Variants in SPRY4 observed in about 807,000 individuals in gnomAD.
SPRY4 encodes the protein protein sprouty homolog 4.
SPRY4 carries 7 observed loss-of-function variants against 17.0 expected under a neutral mutation model. The ratio of observed to expected loss-of-function variants is 0.41; its 90% CI spans 0.23 to 0.77. The LOEUF (loss-of-function observed/expected upper bound fraction) is 0.77. Ranked by LOEUF, SPRY4 falls within the 30% of genes least tolerant of loss-of-function variation. The probability of loss-of-function intolerance (pLI) is 0.32; values close to 1 mark genes in which losing one functional copy is unlikely to be tolerated. For missense variants in SPRY4, 435 were observed against 419.9 expected (o/e 1.04, Z -0.31); for synonymous variants, 183 against 174.1 (o/e 1.05, Z -0.40).
chr5:142,314,299 G>A lies in SPRY4; in HGVS notation c.810C>T (p.Arg270=). Residue 270 remains arginine (R), a synonymous_variant, in exon 2 of 2, where the codon CGC becomes CGT. Coordinates refer to ENST00000434127, the MANE Select transcript of SPRY4 (RefSeq NM_001127496.3). This position sits in a 1 kb window ranked among gnomAD's most constrained non-coding sequence, Gnocchi z 4.8. ...LAQRGYDRLR[R]PGCRCKHTNS... is the part of the protein sequence containing the mutation. ...TCGTGTGCTTGCAGCGGCAACCAGGGCGGCGCAGACGGTCGTAGCCACGCT... is the reference window on the plus strand; with the variant it reads ...TCGTGTGCTTGCAGCGGCAACCAGGACGGCGCAGACGGTCGTAGCCACGCT... 1 of 1,613,900 alleles carries A rather than the reference G, an allele frequency of 6.2e-7. No individual in the cohort carries two copies. The highest frequency in any genetic ancestry group is 8.5e-7 in the Non-Finnish European group (1 of 1,179,988).
In SPRY4 at chr5:142,312,220, T is replaced by C. The variant is rs1758946692; in HGVS notation, c.*1989A>G. ...TCATATAAGTGGTTGGCTGAATGTGTGTTTTTTTCTACCACTCCTTCTGAA... is the reference window on the plus strand; with the variant it reads ...TCATATAAGTGGTTGGCTGAATGTGCGTTTTTTTCTACCACTCCTTCTGAA... On this transcript the variant is annotated 3_prime_UTR_variant, in exon 2 of 2. Coordinates refer to ENST00000434127, the MANE Select transcript of SPRY4 (RefSeq NM_001127496.3). 1 of 150,904 alleles carries C rather than the reference T, an allele frequency of 6.6e-6. No homozygotes were observed. Among genetic ancestry groups the C allele is most frequent in the Non-Finnish European group, 1.5e-5 (1 of 68,014 alleles). 9.3% of individuals were successfully genotyped at this position (150,904 alleles called of 1,614,324 possible). A position where few individuals can be genotyped will look rare whatever the true frequency, so the allele number is the denominator to read the frequency against.
In SPRY4 at chr5:142,312,672, CCACA is replaced by C. The variant is rs1758965892; in HGVS notation, c.*1533_*1536del. On this transcript the variant is annotated 3_prime_UTR_variant, in exon 2 of 2. Transcript: ENST00000434127. Reference sequence around the variant, plus strand: ...TCTCATTAGAGGGGAAAACAAAATACCACACAAAGCAAGAACCCCACACAAAAGC... The same window carrying C: ...TCTCATTAGAGGGGAAAACAAAATACCAAAGCAAGAACCCCACACAAAAGC... 6.6e-6 allele frequency: 1 copy of C among 152,242 alleles called. No homozygotes were observed. The highest frequency in any genetic ancestry group is 2.4e-5 in the African/African-American group (1 of 41,416). 9.4% of individuals were successfully genotyped at this position (152,242 alleles called of 1,614,324 possible).
In SPRY4 at chr5:142,313,296, A is replaced by T. The variant is rs555972210; in HGVS notation, c.*913T>A. On this transcript the variant is annotated 3_prime_UTR_variant, in exon 2 of 2. Coordinates refer to ENST00000434127, the MANE Select transcript of SPRY4 (RefSeq NM_001127496.3). ...TTAATTATTCTATAAAAACATAATG[A>T]CTGGATCCAGAGACCACAGCCTCAG... The T allele has an allele frequency of 6.5e-6, 1 of 152,756 alleles. No homozygotes were observed. Among genetic ancestry groups the T allele is most frequent in the Non-Finnish European group, 1.5e-5 (1 of 68,030 alleles). 9.5% of individuals were successfully genotyped at this position (152,756 alleles called of 1,614,324 possible). A position where few individuals can be genotyped will look rare whatever the true frequency, so the allele number is the denominator to read the frequency against.
intron 1 of SPRY4, chr5:142,317,039 A>T: frequency 1.0e-6 from 1 of 985,436 alleles, no homozygotes; most frequent in Non-Finnish European, 1.2e-6. Context: ...TGAATTGGCG[A>T]TTTCCTTGTG....
In SPRY4 at chr5:142,314,268, C is replaced by T. The variant is rs142439525; in HGVS notation, c.841G>A (p.Val281Ile). ...TCCCCGCTGGCTGCTTTGCAGATGA[C>T]GCTGTTCGTGTGCTTGCAGCGGCAA... ...PGCRCKHTNS[V>I]ICKAASGDAK... Residue 281 changes from valine to isoleucine, a missense_variant, in exon 2 of 2, where the codon GTC becomes ATC. Coordinates refer to ENST00000434127, the MANE Select transcript of SPRY4 (RefSeq NM_001127496.3). This position sits in a 1 kb window ranked among gnomAD's most constrained non-coding sequence, Gnocchi z 4.8. 1,361 of 1,613,460 alleles carry T rather than the reference C, an allele frequency of 8.4e-4. 10 individuals are homozygous for T. In the African/African-American group the frequency reaches 0.016, roughly 19 times the overall value.
intron 1 of SPRY4, among the ~76,000 whole-genome samples, chr5:142,319,175 C>T (rs1759260884): frequency 6.6e-6 from 1 of 152,196 alleles, no homozygotes. Context: ...ATCACTTTCA[C>T]AACCATGGAC....
In SPRY4 at chr5:142,314,108, C is replaced by T; in HGVS notation, c.*101G>A. ...TAGGGAGTGGGCAGACTAGCAAGGT[C>T]AGCCTCAGGAGGCTAAAACCTCTGA... On this transcript the variant is annotated 3_prime_UTR_variant, in exon 2 of 2. Transcript: ENST00000434127. The surrounding 1 kb of genome is among the most constrained non-coding windows in gnomAD (Gnocchi z 4.8). The T allele has an allele frequency of 7.7e-7, 1 of 1,291,346 alleles. No homozygotes were observed. Among genetic ancestry groups the T allele is most frequent in the Non-Finnish European group, 1.0e-6 (1 of 954,234 alleles). 80.0% of individuals were successfully genotyped at this position (1,291,346 alleles called of 1,614,324 possible). A position where few individuals can be genotyped will look rare whatever the true frequency, so the allele number is the denominator to read the frequency against.
rs201367235 is a variant in SPRY4, at chr5:142,314,975, G to T, written c.134C>A (p.Thr45Asn). Reference protein sequence around the residue: ...LTILPIDQVKTSHVENDYIDN... With the variant: ...LTILPIDQVKNSHVENDYIDN... Reference sequence around the variant, plus strand: ...TATGTAGTCATTCTCCACATGGCTGGTCTTCACCTGGTCAATGGGTAGGAT... The same window carrying T: ...TATGTAGTCATTCTCCACATGGCTGTTCTTCACCTGGTCAATGGGTAGGAT... The change falls in exon 2 of 2, where the codon ACC becomes AAC. Residue 45 changes from threonine to asparagine, a missense_variant. Coordinates refer to ENST00000434127, the MANE Select transcript of SPRY4 (RefSeq NM_001127496.3). This position sits in a 1 kb window ranked among gnomAD's most constrained non-coding sequence, Gnocchi z 4.8. 1.2e-6 allele frequency: 2 copies of T among 1,614,072 alleles called. No homozygotes were observed.
At chr5:142,320,969 T>C (rs1207841686) in intron 1 of SPRY4, among the ~76,000 whole-genome samples, 2 of 152,126 alleles carry the variant, frequency 1.3e-5, no homozygotes, top group Non-Finnish European at 2.9e-5. Flanking sequence ...ACATCTGTGC[T>C]CCCTCCCCTG....
At chr5:142,322,026 T>C (rs1004879008) in intron 1 of SPRY4, among the ~76,000 whole-genome samples, 2 of 152,060 alleles carry the variant, frequency 1.3e-5, no homozygotes, top group African/African-American at 4.8e-5. Context: ...GATTTTCAAA[T>C]TTGGCACTGA....
At chr5:142,323,177 G>T (rs995105045) in intron 1 of SPRY4, among the ~76,000 whole-genome samples, 1 of 152,180 alleles carries the variant, frequency 6.6e-6, no homozygotes, top group Non-Finnish European at 1.5e-5. Context: ...AGCTCATTAA[G>T]AGATTGATAA....
intron 1 of SPRY4, among the ~76,000 whole-genome samples, chr5:142,323,040 TAAA>T (rs397882276): frequency 7.5e-5 from 9 of 119,486 alleles, no homozygotes; most frequent in Non-Finnish European, 8.7e-5. Context: ...ACACCCGCCC[TAAA>T]AAAAAAAAAA....
In SPRY4 at chr5:142,317,501, G is replaced by T. The variant is rs983421870; in HGVS notation, c.-47-2346C>A. On this transcript the variant is annotated intron_variant, in intron 1 of 1. Transcript: ENST00000434127. ...TTCAGGGTCCTGCCAACACAATGTA[G>T]GCAGCAGTTTGAAGCTTCTATTGCC... is the stretch of plus-strand genomic sequence containing the variant. 18 of 985,252 alleles carry T rather than the reference G, an allele frequency of 1.8e-5. No individual in the cohort carries two copies. In the African/African-American group the frequency reaches 2.8e-4, roughly 15 times the overall value. The allele number at this position is 985,252 out of a possible 1,614,324, so 61.0% of individuals were successfully genotyped here. A position where few individuals can be genotyped will look rare whatever the true frequency, so the allele number is the denominator to read the frequency against.
intron 1 of SPRY4, 77 bp from the exon 2 acceptor site, chr5:142,315,232 C>G (rs771410627): frequency 3.1e-6 from 3 of 965,640 alleles, no homozygotes; most frequent in Admixed American, 2.8e-5. Flanking sequence ...CCTCACCCCC[C>G]ATCAGGTCCT....
At chr5:142,317,635 T>A (rs1177301750) in intron 1 of SPRY4, 17 of 984,560 alleles carry the variant, frequency 1.7e-5, no homozygotes, top group Non-Finnish European at 2.0e-5. Flanking sequence ...TTTTTTTTTT[T>A]CATTTGTGAG....
At chr5:142,320,659 G>C (rs1182849392) in intron 1 of SPRY4, among the ~76,000 whole-genome samples, 1 of 152,154 alleles carries the variant, frequency 6.6e-6, no homozygotes, top group South Asian at 2.1e-4. Flanking sequence ...GTCAGAAGGA[G>C]CCTGTTAACC....
chr5:142,315,185 G>T, intron 1 of SPRY4, 30 bp from the exon 2 acceptor site: 1 of 1,434,020 alleles, frequency 7.0e-7, no homozygotes. Flanking sequence ...AAGGAAGAGA[G>T]AATGGATTCC....
At position 142,315,049 on chromosome 5, in the gene SPRY4, G is replaced by A. The variant is rs778493653; in HGVS notation, c.60C>T (p.Pro20=). 8 of 1,613,574 alleles carry A rather than the reference G, an allele frequency of 5.0e-6. No individual in the cohort carries two copies. In the East Asian group the frequency reaches 1.8e-4, roughly 36 times the overall value. The change falls in exon 2 of 2, where the codon CCC becomes CCT. Residue 20 remains proline, a synonymous_variant. Transcript: ENST00000434127. The stretch of plus-strand genomic sequence containing the variant: ...TGTGGGACATCCGGCTGTCAAGAAG[G>A]GGCTGGACCATGACTGAGTTGGGAG... ...PLTPNSVMVQ[P]LLDSRMSHSR...
At chr5:142,320,988 C>T (rs749529874) in intron 1 of SPRY4, among the ~76,000 whole-genome samples, 1 of 152,240 alleles carries the variant, frequency 6.6e-6, no homozygotes, top group East Asian at 1.9e-4. Context: ...TGTGCCCTTG[C>T]TTCCTTCACT....
Sources: gnomAD v4.1 joint callset for allele counts (sites outside exome capture counted in the v4.1 genomes callset) on GRCh38, gnomAD v4.1.1 for gene constraint, Gnocchi (gnomAD v3.1) non-coding constraint, MANE v1.5 for transcripts, NCBI Gene and HGNC (gene_info 2026-07-23, HGNC 2026-07-21) for gene names.